COBL: variants seen among roughly 807,000 people sequenced by gnomAD.
COBL encodes the protein cordon-bleu WH2 repeat protein, also known as protein cordon-bleu.
Under a neutral mutation model 98.8 loss-of-function variants are expected in COBL, and 51 were observed. The ratio of observed to expected loss-of-function variants is 0.52; its 90% CI spans 0.41 to 0.65. COBL has a LOEUF of 0.65. Among genes scored for constraint, COBL ranks in the 30% least tolerant of loss-of-function variants. The probability of loss-of-function intolerance (pLI) is 0.00; values close to 1 mark genes in which losing one functional copy is unlikely to be tolerated. For missense variants in COBL, 1,617 were observed against 1,617.5 expected (o/e 1.00, Z 0.01); for synonymous variants, 634 against 651.7 (o/e 0.97, Z 0.41).
At chr7:51,308,349 A>G (rs925348680) in intron 1 of COBL, among the ~76,000 whole-genome samples, 2 of 152,190 alleles carry the variant, frequency 1.3e-5, no homozygotes, top group Non-Finnish European at 2.9e-5. Context: ...TGATTTGGTA[A>G]TCTGCTGCTT....
At chr7:51,134,799 A>G (rs1799073664) in intron 6 of COBL, among the ~76,000 whole-genome samples, 1 of 152,222 alleles carries the variant, frequency 6.6e-6, no homozygotes, top group African/African-American at 2.4e-5. Context: ...GAAAATCAGA[A>G]GAAATAGCTT....
chr7:51,121,548 T>C (rs901702507), intron 6 of COBL, among the ~76,000 whole-genome samples: 3 of 152,108 alleles, frequency 2.0e-5, no homozygotes, highest in Non-Finnish European at 2.9e-5. Flanking sequence ...GGTTGAGGAG[T>C]AAATCAAATG....
intron 1 of COBL, among the ~76,000 whole-genome samples, chr7:51,250,138 C>T (rs758210322): frequency 3.9e-5 from 6 of 151,982 alleles, no homozygotes; most frequent in Non-Finnish European, 8.8e-5. Flanking sequence ...AGAGTAGACA[C>T]TCCCTTGACA....
intron 1 of COBL, among the ~76,000 whole-genome samples, chr7:51,269,132 G>A (rs1028105754): frequency 2.0e-5 from 3 of 152,010 alleles, no homozygotes; most frequent in African/African-American, 7.3e-5. Context: ...TCCTGGGATG[G>A]GGAGTGCTTC....
intron 1 of COBL, among the ~76,000 whole-genome samples, chr7:51,239,766 T>C (rs1795599752): frequency 6.6e-6 from 1 of 152,206 alleles, no homozygotes; most frequent in South Asian, 2.1e-4. Context: ...CTCACTTTAG[T>C]GGCTGGTTAA....
Position 51,040,696 on chromosome 7 carries a change from C to T in COBL, c.1406+2687G>A, listed in dbSNP as rs146622762. ...TTCCATTGTAGGTCTATCAGGTTCC[C>T]GAACTCCCTCCCTCCCCACCACAGT... On this transcript the variant is annotated intron_variant, in intron 8 of 12. Coordinates refer to ENST00000265136, the MANE Select transcript of COBL (RefSeq NM_015198.5). Among the ~76,000 whole-genome samples, 691 of 152,184 alleles carry T rather than the reference C, an allele frequency of 4.5e-3. 5 individuals are homozygous for T. Among genetic ancestry groups the T allele is most frequent in the Admixed American group, 7.9e-3 (120 of 15,282 alleles).
chr7:51,190,341 T>C (rs1038013779), intron 4 of COBL, among the ~76,000 whole-genome samples: 1 of 152,064 alleles, frequency 6.6e-6, no homozygotes, highest in African/African-American at 2.4e-5. Flanking sequence ...CTCCAGTAGA[T>C]GGGACTACAG....
chr7:51,217,240 T>C (rs1265768724), intron 2 of COBL, among the ~76,000 whole-genome samples: 3 of 152,186 alleles, frequency 2.0e-5, no homozygotes, highest in Non-Finnish European at 4.4e-5. Context: ...ATTTTTACTT[T>C]TAGAATGCGC....
intron 2 of COBL, among the ~76,000 whole-genome samples, chr7:51,194,040 T>G (rs1790371464): frequency 6.6e-6 from 1 of 152,200 alleles, no homozygotes; most frequent in Non-Finnish European, 1.5e-5. Context: ...GTACAGCTTA[T>G]TTTATCAACC....
chr7:51,072,156 T>C (rs1343219084), intron 7 of COBL: 2 of 152,206 alleles, frequency 1.3e-5, no homozygotes, highest in African/African-American at 4.8e-5. Context: ...TTTTTTTTTT[T>C]TTCCATTTTG....
chr7:51,034,584 G>A (rs1226640155), intron 8 of COBL: 3 of 152,168 alleles, frequency 2.0e-5, no homozygotes, highest in Non-Finnish European at 4.4e-5. Flanking sequence ...TCTCCAAAGG[G>A]TTACTAATGG....
intron 10 of COBL, 49 bp downstream of exon 10, chr7:51,027,663 C>T (rs752990777): frequency 1.4e-6 from 2 of 1,468,918 alleles, no homozygotes; most frequent in East Asian, 2.3e-5. Context: ...GACCAGTGCA[C>T]TGAAGTGGGC....
intron 11 of COBL, among the ~76,000 whole-genome samples, chr7:51,026,343 C>T (rs1350505205): frequency 6.6e-6 from 1 of 152,240 alleles, no homozygotes; most frequent in African/African-American, 2.4e-5. Flanking sequence ...GCTCTTGCTG[C>T]TCCTTGCCAT....
chr7:51,157,009 C>T (rs948179879), intron 5 of COBL, among the ~76,000 whole-genome samples: 1 of 152,172 alleles, frequency 6.6e-6, no homozygotes, highest in Non-Finnish European at 1.5e-5. Flanking sequence ...TCTACCTCCT[C>T]GCCAGGGCCT....
At chr7:51,051,863 A>AT (rs57777918) in intron 7 of COBL, among the ~76,000 whole-genome samples, 3 of 151,674 alleles carry the variant, frequency 2.0e-5, no homozygotes, top group Non-Finnish European at 4.4e-5. Flanking sequence ...GCTTAGAATC[A>AT]GTTCAGCTAC....
chr7:51,041,550 C>G (rs1789201666), intron 8 of COBL, among the ~76,000 whole-genome samples: 1 of 126,834 alleles, frequency 7.9e-6, no homozygotes, highest in Non-Finnish European at 1.6e-5. Flanking sequence ...ATGGCGCGAT[C>G]TCGGTTCACT....
At chr7:51,055,060 AG>A (rs1435758326) in intron 7 of COBL, among the ~76,000 whole-genome samples, 1 of 152,144 alleles carries the variant, frequency 6.6e-6, no homozygotes, top group East Asian at 1.9e-4. Flanking sequence ...CAGAGAGAAG[AG>A]GACTTGCAGA....
At chr7:51,092,284 G>A (rs901634408) in intron 6 of COBL, among the ~76,000 whole-genome samples, 3 of 152,076 alleles carry the variant, frequency 2.0e-5, no homozygotes, top group Non-Finnish European at 4.4e-5. Context: ...CACAAAGGGT[G>A]GGGACTACTG....
At chr7:51,252,706 G>A (rs1287450776) in intron 1 of COBL, among the ~76,000 whole-genome samples, 3 of 152,170 alleles carry the variant, frequency 2.0e-5, no homozygotes, top group African/African-American at 7.2e-5. Context: ...CATAGTATCA[G>A]GTTGTCCCCA....
Sources: gnomAD v4.1 joint callset for allele counts (sites outside exome capture counted in the v4.1 genomes callset) on GRCh38, gnomAD v4.1.1 for gene constraint, MANE v1.5 for transcripts, NCBI Gene and HGNC (gene_info 2026-07-23, HGNC 2026-07-21) for gene names.